FLYWCH1: variants seen among roughly 807,000 people sequenced by gnomAD.
FLYWCH1 encodes the protein FLYWCH-type zinc finger 1, also known as FLYWCH-type zinc finger-containing protein 1.
FLYWCH1 carries 75 observed loss-of-function variants against 66.4 expected under a neutral mutation model. That is an observed-to-expected ratio of 1.13 (90% CI 0.94 to 1.37). The LOEUF (loss-of-function observed/expected upper bound fraction) is 1.37. FLYWCH1 is among the 40% of genes most tolerant of loss of function. The pLI, the probability that FLYWCH1 is intolerant of heterozygous loss-of-function variation, is 0.00. For synonymous variants in FLYWCH1, 595 were observed against 429.9 expected (o/e 1.38, Z -4.75); for missense variants, 1,334 against 1,001.8 (o/e 1.33, Z -4.48).
chr16:2,934,108 C>T, intron 6 of FLYWCH1, 129 bp downstream of exon 6: 2 of 1,192,518 alleles, frequency 1.7e-6, no homozygotes, highest in South Asian at 3.2e-5. Flanking sequence ...CTAGAAGGAA[C>T]TATGGCCCTG....
intron 2 of FLYWCH1, among the ~76,000 whole-genome samples, chr16:2,917,655 G>T (rs2070218391): frequency 6.6e-6 from 1 of 152,138 alleles, no homozygotes; most frequent in African/African-American, 2.4e-5. Context: ...TGTTGCTTAG[G>T]TTCGTCGCTT....
At chr16:2,939,622 A>ACTCTAGCCCGGGAGGTTGAG in intron 8 of FLYWCH1, 1 of 169,486 alleles carries the variant, frequency 5.9e-6, no homozygotes, top group South Asian at 1.4e-4. Context: ...GGGGAGGATC[A>ACTCTAGCCCGGGAGGTTGAG]CTCTAGCCCG....
intron 2 of FLYWCH1, among the ~76,000 whole-genome samples, chr16:2,914,695 T>A (rs1169694086): frequency 6.6e-6 from 1 of 152,008 alleles, no homozygotes; most frequent in Non-Finnish European, 1.5e-5. Context: ...GGTCAGGAGT[T>A]TGAGACCAGC....
At chr16:2,937,027 G>A in intron 6 of FLYWCH1, 94 bp from the exon 7 acceptor site, 1 of 1,245,920 alleles carries the variant, frequency 8.0e-7, no homozygotes, top group Non-Finnish European at 1.0e-6. Context: ...TGAGGAGGAG[G>A]TGTGGGCGTT....
chr16:2,930,965 C>A, intron 4 of FLYWCH1, 85 bp downstream of exon 4: 1 of 1,028,442 alleles, frequency 9.7e-7, no homozygotes, highest in Non-Finnish European at 1.4e-6. Context: ...AATGTGGGGT[C>A]CCACAGGGTC....
At chr16:2,936,303 C>A (rs1267219914) in intron 6 of FLYWCH1, 1 of 434,388 alleles carries the variant, frequency 2.3e-6, no homozygotes, top group East Asian at 7.0e-5. Context: ...CCACCTTCGT[C>A]CTGACCTCTT....
intron 9 of FLYWCH1, among the ~76,000 whole-genome samples, chr16:2,943,991 G>C (rs935181791): frequency 2.0e-5 from 3 of 152,106 alleles, no homozygotes; most frequent in Non-Finnish European, 4.4e-5. Flanking sequence ...AGCTACTTCG[G>C]AGGCTGAGAT....
intron 2 of FLYWCH1, among the ~76,000 whole-genome samples, chr16:2,925,382 G>C (rs1812884298): frequency 6.6e-6 from 1 of 152,054 alleles, no homozygotes; most frequent in Non-Finnish European, 1.5e-5. Flanking sequence ...GCCTCGTCCT[G>C]CCCTCATCCT....
intron 3 of FLYWCH1, 119 bp downstream of exon 3, chr16:2,930,129 G>T (rs965212167): frequency 6.4e-6 from 6 of 939,836 alleles, no homozygotes; most frequent in Non-Finnish European, 9.5e-6. Flanking sequence ...CAGCCTCTTG[G>T]TCTCTGATCC....
intron 2 of FLYWCH1, among the ~76,000 whole-genome samples, chr16:2,926,677 A>G (rs1170869312): frequency 6.6e-6 from 1 of 152,262 alleles, no homozygotes; most frequent in East Asian, 1.9e-4. Flanking sequence ...AAAATCTATT[A>G]CAGATGATAA....
Position 2,930,855 on chromosome 16 carries a change from C to T in FLYWCH1, c.771C>T (p.Pro257=), listed in dbSNP as rs376050327. 2 of 1,600,574 alleles carry T rather than the reference C, an allele frequency of 1.2e-6. No homozygotes were observed. Among genetic ancestry groups the T allele is most frequent in the Non-Finnish European group, 8.5e-7 (1 of 1,177,326 alleles). Residue 257 remains proline, a synonymous_variant, in exon 4 of 10, where the codon CCC becomes CCT. Transcript: ENST00000253928. Reference sequence around the variant, plus strand: ...CCCTGTCACTGCTGAGCCTGCCGCCCAAGAAGCGCTCGATCCTGGGGCTGG... The same window carrying T: ...CCCTGTCACTGCTGAGCCTGCCGCCTAAGAAGCGCTCGATCCTGGGGCTGG... ...PRALSLLSLP[P]KKRSILGLGQ... is the part of the protein sequence containing the mutation.
intron 8 of FLYWCH1, 81 bp downstream of exon 8, chr16:2,938,537 C>T: frequency 1.1e-5 from 15 of 1,368,566 alleles, no homozygotes; most frequent in Non-Finnish European, 1.4e-5. Flanking sequence ...CCAGGCCAGG[C>T]ACCCACTGAG....
At chr16:2,934,343 C>A (rs895776693) in intron 6 of FLYWCH1, among the ~76,000 whole-genome samples, 8 of 152,210 alleles carry the variant, frequency 5.3e-5, no homozygotes, top group Non-Finnish European at 8.8e-5. Flanking sequence ...GTCTTAACGT[C>A]TGAGTGGTTA....
At chr16:2,939,069 G>A (rs892264490) in intron 8 of FLYWCH1, among the ~76,000 whole-genome samples, 6 of 151,992 alleles carry the variant, frequency 3.9e-5, no homozygotes, top group South Asian at 2.1e-4. Context: ...CACCACACCC[G>A]GCCAAAACCA....
chr16:2,936,113 A>T (rs180686249), intron 6 of FLYWCH1: 23 of 270,384 alleles, frequency 8.5e-5, no homozygotes, highest in African/African-American at 3.8e-4. Flanking sequence ...GGGTTTCACC[A>T]TGTTGGCCAG....
intron 6 of FLYWCH1, 85 bp downstream of exon 6, chr16:2,934,064 C>G (rs2070893968): frequency 1.4e-6 from 2 of 1,398,536 alleles, no homozygotes; most frequent in Non-Finnish European, 1.9e-6. Context: ...TGCGGCTCCC[C>G]CTGGCAAACG....
intron 7 of FLYWCH1, 128 bp from the exon 8 acceptor site, chr16:2,938,056 G>T: frequency 2.2e-6 from 2 of 896,548 alleles, no homozygotes; most frequent in Non-Finnish European, 1.7e-6. Flanking sequence ...GGAGGGCAGG[G>T]ACCACCGTGC....
At chr16:2,925,417 C>T (rs1352580374) in intron 2 of FLYWCH1, among the ~76,000 whole-genome samples, 2 of 149,732 alleles carry the variant, frequency 1.3e-5, no homozygotes, top group Non-Finnish European at 3.0e-5. Context: ...TAGCCTCACC[C>T]GGTCCCACCC....
chr16:2,948,393 T>C (rs2071571263), intron 9 of FLYWCH1, among the ~76,000 whole-genome samples: 2 of 151,408 alleles, frequency 1.3e-5, no homozygotes, highest in South Asian at 4.2e-4. Context: ...ACCCCGTCTC[T>C]AATAAAATAC....
Sources: gnomAD v4.1 joint callset for allele counts (sites outside exome capture counted in the v4.1 genomes callset) on GRCh38, gnomAD v4.1.1 for gene constraint, MANE v1.5 for transcripts, NCBI Gene and HGNC (gene_info 2026-07-23, HGNC 2026-07-21) for gene names.